CNTN5: variants seen among roughly 807,000 people sequenced by gnomAD.
The protein encoded by CNTN5 is contactin-5.
Under a neutral mutation model 129.1 loss-of-function variants are expected in CNTN5, and 77 were observed. The ratio of observed to expected loss-of-function variants is 0.60; its 90% confidence interval spans 0.50 to 0.72. CNTN5 has a LOEUF of 0.72. CNTN5 is among the 30% of genes least tolerant of loss of function. CNTN5 has a pLI of 0.00. For missense variants in CNTN5, 1,478 were observed against 1,328.8 expected (o/e 1.11, Z -1.75); for synonymous variants, 509 against 465.6 (o/e 1.09, Z -1.20).
intron 1 of CNTN5, among the ~76,000 whole-genome samples, chr11:99,274,368 T>G (rs1164398357): frequency 6.6e-6 from 1 of 151,732 alleles, no homozygotes; most frequent in African/African-American, 2.4e-5. Context: ...ACTCTTTTTG[T>G]TTTTAACAGA....
intron 6 of CNTN5, among the ~76,000 whole-genome samples, chr11:99,861,252 T>A (rs1348838912): frequency 3.3e-5 from 5 of 152,188 alleles, no homozygotes; most frequent in African/African-American, 1.2e-4. Flanking sequence ...CCACCACACC[T>A]GGCCCTTCAT....
At chr11:99,418,289 A>G (rs1272018544) in intron 2 of CNTN5, among the ~76,000 whole-genome samples, 2 of 152,184 alleles carry the variant, frequency 1.3e-5, no homozygotes, top group Non-Finnish European at 2.9e-5. Context: ...CTTTAAAAAA[A>G]AGGTATGAGT....
At chr11:100,350,574 C>G in intron 23 of CNTN5, 128 bp from the exon 24 acceptor site, 5 of 611,392 alleles carry the variant, frequency 8.2e-6, no homozygotes, top group Non-Finnish European at 1.1e-5. Context: ...ACATGTATTA[C>G]ATTTGCTTAT....
At chr11:99,612,276 T>C (rs1406280535) in intron 3 of CNTN5, among the ~76,000 whole-genome samples, 1 of 152,192 alleles carries the variant, frequency 6.6e-6, no homozygotes, top group African/African-American at 2.4e-5. Context: ...TTGAGCAAGA[T>C]GCAGCAGAAA....
chr11:99,047,131 A>G (rs894739938), intron 1 of CNTN5, among the ~76,000 whole-genome samples: 4 of 151,994 alleles, frequency 2.6e-5, no homozygotes, highest in Non-Finnish European at 5.9e-5. Context: ...ATGATTATCC[A>G]TTTTTAAGTG....
At chr11:99,819,294 C>CCCCTGTT in intron 3 of CNTN5, among the ~76,000 whole-genome samples, 2 of 48,730 alleles carry the variant, frequency 4.1e-5, no homozygotes, top group Non-Finnish European at 8.2e-5. Flanking sequence ...CCTCTCCTCT[C>CCCCTGTT]CTCCCCTTCC....
At chr11:99,065,352 T>G (rs532140561) in intron 1 of CNTN5, among the ~76,000 whole-genome samples, 1 of 152,240 alleles carries the variant, frequency 6.6e-6, no homozygotes, top group South Asian at 2.1e-4. Flanking sequence ...TAAATCATAG[T>G]CAGTTGTCCT....
chr11:100,073,062 T>A (rs1943991739), intron 12 of CNTN5, among the ~76,000 whole-genome samples: 1 of 151,468 alleles, frequency 6.6e-6, no homozygotes, highest in South Asian at 2.1e-4. Flanking sequence ...TAACTTTTTT[T>A]CTTTGAGACA....
At chr11:100,258,951 A>T (rs1950137935) in intron 17 of CNTN5, among the ~76,000 whole-genome samples, 2 of 152,192 alleles carry the variant, frequency 1.3e-5, no homozygotes, top group Admixed American at 6.5e-5. Context: ...AACAATATTA[A>T]CCTTAAATAT....
intron 3 of CNTN5, among the ~76,000 whole-genome samples, chr11:99,756,529 G>T (rs776895111): frequency 7.2e-5 from 11 of 152,058 alleles, no homozygotes; most frequent in Non-Finnish European, 1.3e-4. Flanking sequence ...AAGCTGATGT[G>T]ACTTTTCCCT....
At chr11:99,548,365 T>A (rs61911103) in intron 2 of CNTN5, among the ~76,000 whole-genome samples, 4,734 of 152,284 alleles carry the variant, frequency 0.031, 130 homozygotes, top group Non-Finnish European at 0.048. Context: ...CTCTTCTCTA[T>A]CAGTCTGAGC....
intron 1 of CNTN5, among the ~76,000 whole-genome samples, chr11:99,142,579 G>C (rs1380970481): frequency 6.6e-6 from 1 of 152,112 alleles, no homozygotes; most frequent in Non-Finnish European, 1.5e-5. Context: ...TGGCAGACCA[G>C]ACTGGATGGT....
At chr11:99,021,977 A>G (rs564870311) in intron 1 of CNTN5, among the ~76,000 whole-genome samples, 1 of 152,314 alleles carries the variant, frequency 6.6e-6, no homozygotes, top group African/African-American at 2.4e-5. Flanking sequence ...AACTATATTT[A>G]TTTGCGAAAG....
intron 9 of CNTN5, among the ~76,000 whole-genome samples, chr11:100,032,128 G>A (rs1452543428): frequency 6.6e-6 from 1 of 152,148 alleles, no homozygotes; most frequent in East Asian, 1.9e-4. Context: ...GAACCCAGGG[G>A]CTGCAGGTGA....
At chr11:99,915,957 T>C in intron 6 of CNTN5, 97 bp from the exon 7 acceptor site, 1 of 901,546 alleles carries the variant, frequency 1.1e-6, no homozygotes, top group Non-Finnish European at 1.8e-6. Flanking sequence ...AAAGACACCT[T>C]GTGAAGATAA....
intron 3 of CNTN5, among the ~76,000 whole-genome samples, chr11:99,722,726 G>T (rs1004422682): frequency 3.3e-5 from 5 of 151,954 alleles, no homozygotes; most frequent in Non-Finnish European, 7.4e-5. Context: ...AGAGAATTTT[G>T]CTAGAGTATT....
intron 13 of CNTN5, among the ~76,000 whole-genome samples, chr11:100,177,933 C>G (rs2138437422): frequency 6.6e-6 from 1 of 152,150 alleles, no homozygotes; most frequent in South Asian, 2.1e-4. Flanking sequence ...GGCCACATCC[C>G]CACCCTGTAC....
chr11:99,689,678 C>CA (rs1419404603), intron 3 of CNTN5, among the ~76,000 whole-genome samples: 1 of 151,448 alleles, frequency 6.6e-6, no homozygotes, highest in African/African-American at 2.4e-5. Flanking sequence ...CTGTAATTAT[C>CA]AGTGTTGTTG....
chr11:99,578,350 G>A (rs949168935), intron 3 of CNTN5, among the ~76,000 whole-genome samples: 1 of 150,564 alleles, frequency 6.6e-6, no homozygotes, highest in Non-Finnish European at 1.5e-5. Flanking sequence ...ACCCAGTAAT[G>A]GGATAGTTGG....
Sources: gnomAD v4.1 joint callset for allele counts (sites outside exome capture counted in the v4.1 genomes callset) on GRCh38, gnomAD v4.1.1 for gene constraint, MANE v1.5 for transcripts, NCBI Gene and HGNC (gene_info 2026-07-23, HGNC 2026-07-21) for gene names.